The following RABGAP1L variants were observed in gnomAD, a reference collection of about 807,000 sequenced individuals.
RABGAP1L encodes rab GTPase-activating protein 1-like.
Under a neutral mutation model 137.7 loss-of-function variants are expected in RABGAP1L, and 63 were observed. The observed-to-expected ratio is 0.46, with a 90% CI of 0.37 to 0.56. RABGAP1L has a LOEUF of 0.56. Among genes scored for constraint, RABGAP1L ranks in the 20% least tolerant of loss-of-function variants. RABGAP1L has a pLI of 0.00. For missense variants in RABGAP1L, 1,095 were observed against 1,244.0 expected (o/e 0.88, Z 1.80); for synonymous variants, 431 against 433.7 (o/e 0.99, Z 0.08).
intron 13 of RABGAP1L, among the ~76,000 whole-genome samples, chr1:174,464,137 A>G (rs1558256566): frequency 6.6e-6 from 1 of 152,186 alleles, no homozygotes; most frequent in South Asian, 2.1e-4. Flanking sequence ...CATTTGGGAC[A>G]TATCTTGCAG....
chr1:174,274,606 C>CTGTGTGTG (rs61468070), intron 8 of RABGAP1L, among the ~76,000 whole-genome samples: 13,530 of 146,060 alleles, frequency 0.093, 693 homozygotes, highest in Non-Finnish European at 0.11. Context: ...ACAGGTGACT[C>CTGTGTGTG]TGTGTGTGTG....
chr1:174,699,724 G>A (rs768691261), intron 16 of RABGAP1L, 74 bp downstream of exon 16: 26 of 1,381,944 alleles, frequency 1.9e-5, no homozygotes, highest in Middle Eastern at 3.7e-4. Flanking sequence ...GAGTTGGTAA[G>A]CAATAATGAA....
chr1:174,802,988 A>G (rs1688896824), intron 18 of RABGAP1L, among the ~76,000 whole-genome samples: 1 of 152,200 alleles, frequency 6.6e-6, no homozygotes, highest in Non-Finnish European at 1.5e-5. Flanking sequence ...CTTTTTAGTC[A>G]TGTTTCAAAC....
intron 1 of RABGAP1L, among the ~76,000 whole-genome samples, chr1:174,195,280 A>G (rs535931793): frequency 3.2e-4 from 49 of 151,886 alleles, no homozygotes; most frequent in African/African-American, 1.1e-3. Flanking sequence ...CCGAATATCC[A>G]TTTCTCCTTT....
chr1:174,502,576 GTATA>G (rs60045454), intron 13 of RABGAP1L, among the ~76,000 whole-genome samples: 6 of 129,056 alleles, frequency 4.6e-5, no homozygotes, highest in East Asian at 2.2e-4. Context: ...AAAGTACACG[GTATA>G]TATATATATA....
At chr1:174,924,108 A>G (rs6665216) in intron 19 of RABGAP1L, among the ~76,000 whole-genome samples, 89,822 of 151,830 alleles carry the variant, frequency 0.59, 29,454 homozygotes, top group African/African-American at 0.89. Context: ...CAAAGTACTG[A>G]CTGGGCACAG....
At chr1:174,453,285 G>C (rs1410990319) in intron 13 of RABGAP1L, among the ~76,000 whole-genome samples, 1 of 152,056 alleles carries the variant, frequency 6.6e-6, no homozygotes, top group Non-Finnish European at 1.5e-5. Flanking sequence ...TATTAAAATG[G>C]GATTTGAAGT....
chr1:174,765,479 G>C (rs1489174467), intron 18 of RABGAP1L, among the ~76,000 whole-genome samples: 2 of 152,098 alleles, frequency 1.3e-5, no homozygotes, highest in African/African-American at 4.8e-5. Flanking sequence ...CTGTTGCCCA[G>C]GCTGGAATGC....
chr1:174,502,576 GTATATA>G (rs60045454), intron 13 of RABGAP1L, among the ~76,000 whole-genome samples: 2 of 129,074 alleles, frequency 1.5e-5, no homozygotes, highest in Non-Finnish European at 3.2e-5. Context: ...AAAGTACACG[GTATATA>G]TATATATATA....
At position 174,195,712 on chromosome 1, in the gene RABGAP1L, CTTTTCTTTCTTTTCTTTCT is replaced by C. The variant is rs777661873; in HGVS notation, c.-33-23409_-33-23391del. Among the ~76,000 whole-genome samples the C allele has an allele frequency of 1.6e-3, 181 of 110,426 alleles. 1 individual carries two copies. Among genetic ancestry groups the C allele is most frequent in the African/African-American group, 6.6e-3 (167 of 25,416 alleles). 72.4% of individuals were successfully genotyped at this position (110,426 alleles called of 152,430 possible). A position where few individuals can be genotyped will look rare whatever the true frequency, so the allele number is the denominator to read the frequency against. On this transcript the variant is annotated intron_variant, in intron 1 of 25. Coordinates refer to ENST00000681986, the MANE Select transcript of RABGAP1L (RefSeq NM_001366446.1). ...TCCTTCTTTCCTTCTTTCCTTCTTT[CTTTTCTTTCTTTTCTTTCT>C]TTTCTTTCTTTCTTTCTTTCTCTCT...
intron 7 of RABGAP1L, among the ~76,000 whole-genome samples, chr1:174,259,236 T>C (rs1353784370): frequency 6.6e-6 from 1 of 152,206 alleles, no homozygotes; most frequent in Non-Finnish European, 1.5e-5. Flanking sequence ...AGCACTATGT[T>C]GTTTATCCCA....
At position 174,645,545 on chromosome 1, in the gene RABGAP1L, G is replaced by A. The variant is rs1012392914; in HGVS notation, c.1824+8057G>A. Among the ~76,000 whole-genome samples the A allele has an allele frequency of 1.8e-4, 27 of 152,188 alleles. No homozygotes were observed. In the East Asian group the frequency reaches 3.7e-3, roughly 21 times the overall value. On this transcript the variant is annotated intron_variant, in intron 14 of 25. Coordinates refer to ENST00000681986, the MANE Select transcript of RABGAP1L (RefSeq NM_001366446.1). Reference sequence around the variant, plus strand: ...TCATCCATGTCCCTGCAAAGGACATGAACTCATTCTTTTTTATGGCTGCAT... The same window carrying A: ...TCATCCATGTCCCTGCAAAGGACATAAACTCATTCTTTTTTATGGCTGCAT...
chr1:174,569,588 A>G (rs766225120), intron 13 of RABGAP1L, among the ~76,000 whole-genome samples: 1 of 152,078 alleles, frequency 6.6e-6, no homozygotes, highest in African/African-American at 2.4e-5. Context: ...ATCAGAGGGC[A>G]CTCTCATCCA....
At chr1:174,642,026 T>G (rs544898653) in intron 14 of RABGAP1L, among the ~76,000 whole-genome samples, 1 of 152,302 alleles carries the variant, frequency 6.6e-6, no homozygotes, top group South Asian at 2.1e-4. Flanking sequence ...TACATCTCTT[T>G]ATAAGACCTA....
At chr1:174,947,225 TCAGA>T (rs1204162464) in intron 19 of RABGAP1L, among the ~76,000 whole-genome samples, 2 of 115,966 alleles carry the variant, frequency 1.7e-5, no homozygotes, top group Non-Finnish European at 3.2e-5. Flanking sequence ...TTTTTTTTTT[TCAGA>T]CAGTTTCACT....
intron 5 of RABGAP1L, among the ~76,000 whole-genome samples, chr1:174,249,144 T>G (rs1391555716): frequency 6.6e-6 from 1 of 152,104 alleles, no homozygotes; most frequent in Non-Finnish European, 1.5e-5. Flanking sequence ...TACATATATA[T>G]GTATATATGT....
chr1:174,187,418 A>C (rs1666890156), intron 1 of RABGAP1L, among the ~76,000 whole-genome samples: 1 of 152,124 alleles, frequency 6.6e-6, no homozygotes, highest in Non-Finnish European at 1.5e-5. Context: ...ATGTAATAAG[A>C]AGCTTAAATA....
chr1:174,220,627 C>T lies in RABGAP1L; in HGVS notation c.139-345C>T, dbSNP rs1004414821. ...AGTTTGCAATAAGCTGAGATTGCAC[C>T]GCTGCATTCCAGCCTGGGTGACAGA... On this transcript the variant is annotated intron_variant, in intron 2 of 25. Coordinates refer to ENST00000681986, the MANE Select transcript of RABGAP1L (RefSeq NM_001366446.1). 5.1e-5 allele frequency: 8 copies of T among 157,804 alleles called. No individual in the cohort carries two copies. The East Asian group carries it at 5.5e-4, about 11-fold the overall frequency. 9.8% of individuals were successfully genotyped at this position (157,804 alleles called of 1,614,324 possible).
At chr1:174,431,095 C>A (rs1043425052) in intron 13 of RABGAP1L, among the ~76,000 whole-genome samples, 1 of 151,808 alleles carries the variant, frequency 6.6e-6, no homozygotes, top group Non-Finnish European at 1.5e-5. Context: ...GAATGTGAAC[C>A]AACACTTCTT....
Sources: gnomAD v4.1 joint callset for allele counts (sites outside exome capture counted in the v4.1 genomes callset) on GRCh38, gnomAD v4.1.1 for gene constraint, MANE v1.5 for transcripts, NCBI Gene and HGNC (gene_info 2026-07-23, HGNC 2026-07-21) for gene names.